Variants in CEP57L1 observed in about 807,000 individuals in gnomAD.
CEP57L1 encodes centrosomal protein 57 like 1, also known as centrosomal protein CEP57L1.
A neutral mutation model predicts 61.0 loss-of-function variants in CEP57L1; 37 were observed. The observed-to-expected ratio is 0.61, with a 90% CI of 0.47 to 0.80. CEP57L1 has a LOEUF of 0.80. Among genes scored for constraint, CEP57L1 ranks in the 30% least tolerant of loss-of-function variants. The pLI, the probability that CEP57L1 is intolerant of heterozygous loss-of-function variation, is 0.00. For synonymous variants in CEP57L1, 137 were observed against 162.3 expected, an observed-to-expected ratio of 0.84 and a Z score of 1.19; for missense variants, 422 against 524.7, an observed-to-expected ratio of 0.80 and a Z score of 1.91.
At chr6:109,104,726 G>T in intron 1 of CEP57L1, among the ~76,000 whole-genome samples, 1 of 151,938 alleles carries the variant, frequency 6.6e-6, no homozygotes, top group East Asian at 1.9e-4. Context: ...GGGAACACAT[G>T]TGTGTGCCAC....
chr6:109,144,851 G>A (rs1394763857), intron 1 of CEP57L1, among the ~76,000 whole-genome samples: 1 of 151,986 alleles, frequency 6.6e-6, no homozygotes, highest in Non-Finnish European at 1.5e-5. Flanking sequence ...TTATCTTTTA[G>A]AATATGTACT....
Position 109,155,801 on chromosome 6 carries a change from G to A in CEP57L1, c.668G>A (p.Gly223Glu). 1 of 1,534,116 alleles carries A rather than the reference G, an allele frequency of 6.5e-7. No individual in the cohort carries two copies. Among genetic ancestry groups the A allele is most frequent in the East Asian group, 2.3e-5 (1 of 44,028 alleles). ...FQDKASELQT[G>E]LEISKIIMSS... Reference sequence around the variant, plus strand: ...TTTTAAATATTACAGCTTCAAACTGGACTTGAAATCAGTAAAATTATAATG... The same window carrying A: ...TTTTAAATATTACAGCTTCAAACTGAACTTGAAATCAGTAAAATTATAATG... The change falls in exon 7 of 11, where the codon GGA becomes GAA. Residue 223 changes from glycine (G) to glutamate (E), a missense_variant. Transcript: ENST00000517392.
intron 1 of CEP57L1, among the ~76,000 whole-genome samples, chr6:109,144,648 T>C (rs1000697681): frequency 6.6e-6 from 1 of 152,064 alleles, no homozygotes; most frequent in African/African-American, 2.4e-5. Context: ...TTCTTCAGAT[T>C]TGGAAACTTT....
At chr6:109,112,633 C>A (rs1403869160) in intron 1 of CEP57L1, among the ~76,000 whole-genome samples, 2 of 152,078 alleles carry the variant, frequency 1.3e-5, no homozygotes, top group Non-Finnish European at 2.9e-5. Context: ...TTCCTGCTTT[C>A]TCTTGTGGGC....
At chr6:109,109,643 A>G (rs1435038905) in intron 1 of CEP57L1, among the ~76,000 whole-genome samples, 1 of 152,204 alleles carries the variant, frequency 6.6e-6, no homozygotes. Flanking sequence ...TGCACCCATC[A>G]ACCCATCATC....
At chr6:109,150,330 G>A in intron 4 of CEP57L1, 91 bp downstream of exon 4, 1 of 1,495,400 alleles carries the variant, frequency 6.7e-7, no homozygotes, top group Non-Finnish European at 9.1e-7. Context: ...AGGCAAAGGT[G>A]GCATAATGTT....
At chr6:109,110,891 GT>G (rs1178447655) in intron 1 of CEP57L1, among the ~76,000 whole-genome samples, 1 of 152,162 alleles carries the variant, frequency 6.6e-6, no homozygotes, top group Non-Finnish European at 1.5e-5. Flanking sequence ...CTATATATCT[GT>G]TTTGGTACCA....
At position 109,131,189 on chromosome 6, in the gene CEP57L1, A is replaced by T. The variant is rs1049070974; in HGVS notation, c.-3-14030A>T. ...ATACATTATACATGAATGTCATTGA[A>T]GTATAATAATACTTAAACTGCTTCT... On this transcript the variant is annotated intron_variant, in intron 1 of 10. Transcript: ENST00000517392. Among the ~76,000 whole-genome samples the T allele has an allele frequency of 2.0e-5, 3 of 152,320 alleles. No homozygotes were observed. The East Asian group carries it at 5.8e-4, about 29-fold the overall frequency.
intron 10 of CEP57L1, among the ~76,000 whole-genome samples, chr6:109,161,801 T>A: frequency 6.6e-6 from 1 of 152,106 alleles, no homozygotes; most frequent in Non-Finnish European, 1.5e-5. Context: ...ACATGATTTA[T>A]ATTCCATAAT....
chr6:109,133,331 C>G (rs1774411625), intron 1 of CEP57L1, among the ~76,000 whole-genome samples: 1 of 152,122 alleles, frequency 6.6e-6, no homozygotes, highest in Admixed American at 6.5e-5. Flanking sequence ...GAGCATGCAG[C>G]CTAGATCCCT....
At chr6:109,123,178 A>T (rs568855984) in intron 1 of CEP57L1, among the ~76,000 whole-genome samples, 5 of 152,090 alleles carry the variant, frequency 3.3e-5, no homozygotes, top group Non-Finnish European at 7.4e-5. Context: ...GCTGCCATCT[A>T]TGTATATTGA....
In CEP57L1 at chr6:109,174,387, C is replaced by G. The variant is rs997329175; in HGVS notation, c.*11417C>G. Among the ~76,000 whole-genome samples the G allele has an allele frequency of 1.3e-5, 2 of 152,150 alleles. No homozygotes were observed. Among genetic ancestry groups the G allele is most frequent in the Non-Finnish European group, 2.9e-5 (2 of 68,022 alleles). On this transcript the variant is annotated 3_prime_UTR_variant, in exon 11 of 11. Transcript: ENST00000517392. ...TTCTGTAAAGTTTCTACCCTTTGCT[C>G]TAAAGTTACATAAAAACAATTTCCA... is the stretch of plus-strand genomic sequence containing the variant.
rs1317231016 is a variant in CEP57L1 at position 109,170,505 on chromosome 6, T to C, written c.*7535T>C. On this transcript the variant is annotated 3_prime_UTR_variant, in exon 11 of 11. Coordinates refer to ENST00000517392, the MANE Select transcript of CEP57L1 (RefSeq NM_001271852.3). ...TGAACCTAGTACAGAATGTGAATCA[T>C]TTCATGCCTGAAATACAAGATTGAT... Among the ~76,000 whole-genome samples the C allele has an allele frequency of 9.9e-5, 15 of 152,134 alleles. No individual in the cohort carries two copies. Among genetic ancestry groups the C allele is most frequent in the Non-Finnish European group, 7.4e-5 (5 of 68,016 alleles).
Position 109,160,587 on chromosome 6 carries a change from A to C in CEP57L1, c.1032A>C (p.Leu344=), listed in dbSNP as rs1297762804. The change falls in exon 10 of 11, where the codon CTA becomes CTC. Residue 344 remains leucine, a synonymous_variant. Transcript: ENST00000517392. The part of the protein sequence containing the change: ...LDQMSMEHQE[L]LKQMKETESH... ...TCTTTCATAGGGAGCACCAAGAACT[A>C]CTGAAACAAATGAAGGAAACTGAAA... The C allele has an allele frequency of 1.2e-6, 2 of 1,607,180 alleles. No individual in the cohort carries two copies. Among genetic ancestry groups the C allele is most frequent in the Non-Finnish European group, 8.5e-7 (1 of 1,177,162 alleles).
intron 1 of CEP57L1, among the ~76,000 whole-genome samples, chr6:109,112,515 G>T (rs539785484): frequency 6.6e-6 from 1 of 152,028 alleles, no homozygotes; most frequent in African/African-American, 2.4e-5. Context: ...ATCTCCTTCA[G>T]TTCTGCTCTG....
chr6:109,135,365 A>G (rs1323574084), intron 1 of CEP57L1, among the ~76,000 whole-genome samples: 1 of 152,220 alleles, frequency 6.6e-6, no homozygotes, highest in African/African-American at 2.4e-5. Flanking sequence ...AGCCATATGT[A>G]GAAAGCTGAA....
chr6:109,107,299 T>A (rs547507509), intron 1 of CEP57L1, among the ~76,000 whole-genome samples: 1 of 152,192 alleles, frequency 6.6e-6, no homozygotes, highest in Non-Finnish European at 1.5e-5. Flanking sequence ...CCTTTTTCTT[T>A]TGAGCTTGGC....
intron 1 of CEP57L1, among the ~76,000 whole-genome samples, chr6:109,128,957 G>T (rs983669460): frequency 2.6e-5 from 4 of 152,174 alleles, no homozygotes; most frequent in African/African-American, 9.7e-5. Context: ...CCAGCACTTT[G>T]GGAGGCCGAG....
chr6:109,116,183 TGTTA>T (rs1209657366), intron 1 of CEP57L1, among the ~76,000 whole-genome samples: 1 of 139,684 alleles, frequency 7.2e-6, no homozygotes, highest in Non-Finnish European at 1.6e-5. Context: ...TGTTATGTTA[TGTTA>T]CTTTTTTGAG....
Sources: gnomAD v4.1 joint callset for allele counts (sites outside exome capture counted in the v4.1 genomes callset) on GRCh38, gnomAD v4.1.1 for gene constraint, MANE v1.5 for transcripts, NCBI Gene and HGNC (gene_info 2026-07-23, HGNC 2026-07-21) for gene names.